Variants in C1orf232 observed in about 807,000 individuals in gnomAD.
C1orf232 encodes chromosome 1 open reading frame 230.
A neutral mutation model predicts 12.1 loss-of-function variants in C1orf232; 10 were observed. The ratio of observed to expected loss-of-function variants is 0.82; its 90% confidence interval spans 0.51 to 1.40. C1orf232 has a LOEUF of 1.40. C1orf232 is among the 40% of genes most tolerant of loss of function. The probability of loss-of-function intolerance (pLI) is 0.00; values close to 1 mark genes in which losing one functional copy is unlikely to be tolerated. For missense variants in C1orf232, 88 were observed against 98.4 expected, an observed-to-expected ratio of 0.89 and a Z score of 0.45; for synonymous variants, 36 against 39.8, an observed-to-expected ratio of 0.90 and a Z score of 0.36.
rs1465170459 is a variant in C1orf232 at position 26,164,424 on chromosome 1, C to T, written c.298G>A (p.Ala100Thr). The T allele has an allele frequency of 2.6e-6, 1 of 381,718 alleles. No individual in the cohort carries two copies. Among genetic ancestry groups the T allele is most frequent in the East Asian group, 3.8e-5 (1 of 26,248 alleles). 23.6% of individuals were successfully genotyped at this position (381,718 alleles called of 1,614,324 possible). Reference sequence around the variant, plus strand: ...GGGCCGCGCGCCTCCGCCGCCGCCGCCGCCTGCGAGGGGGGTCGCGCCGCC... The same window carrying T: ...GGGCCGCGCGCCTCCGCCGCCGCCGTCGCCTGCGAGGGGGGTCGCGCCGCC... ...PLAARPPSQA[A>T]AAAEARGPGF... Residue 100 changes from alanine to threonine, a missense_variant, in exon 4 of 4, where the codon GCG (alanine) becomes ACG (threonine). Coordinates refer to ENST00000634842, the MANE Select transcript of C1orf232 (RefSeq NM_001364669.2). This position sits in a 1 kb window ranked among gnomAD's most constrained non-coding sequence, Gnocchi z 4.2.
intron 1 of C1orf232, 38 bp from the exon 2 acceptor site, chr1:26,166,156 G>A (rs2088423643): frequency 3.3e-6 from 4 of 1,221,830 alleles, no homozygotes; most frequent in Non-Finnish European, 4.1e-6. Flanking sequence ...GAGAGAGGCC[G>A]CAGAGGAGTG....
chr1:26,166,486 T>A (rs2088428654), intron 1 of C1orf232, among the ~76,000 whole-genome samples: 1 of 152,026 alleles, frequency 6.6e-6, no homozygotes, highest in African/African-American at 2.4e-5. Flanking sequence ...CCTGCTAATT[T>A]TTGTATTTTA....
chr1:26,165,674 C>A, intron 3 of C1orf232, 152 bp downstream of exon 3: 1 of 1,198,804 alleles, frequency 8.3e-7, no homozygotes, highest in Non-Finnish European at 1.0e-6. Flanking sequence ...GCTGATTTGG[C>A]CTGTTTCCTG....
At chr1:26,167,426 G>A (rs2124495403) in intron 1 of C1orf232, among the ~76,000 whole-genome samples, 1 of 152,326 alleles carries the variant, frequency 6.6e-6, no homozygotes, top group South Asian at 2.1e-4. Context: ...CTGGGCTCAA[G>A]TGATCCTCCT....
chr1:26,168,511 G>C lies in C1orf232; in HGVS notation c.-12C>G. 8.1e-7 allele frequency: 1 copy of C among 1,231,886 alleles called. No individual in the cohort carries two copies. The highest frequency in any genetic ancestry group is 1.0e-6 in the Non-Finnish European group (1 of 988,046). The allele number at this position is 1,231,886 out of a possible 1,614,324, so 76.3% of individuals were successfully genotyped here. A position where few individuals can be genotyped will look rare whatever the true frequency, so the allele number is the denominator to read the frequency against. On this transcript the variant is annotated 5_prime_UTR_variant, in exon 1 of 4. Coordinates refer to ENST00000634842, the MANE Select transcript of C1orf232 (RefSeq NM_001364669.2). Reference sequence around the variant, plus strand: ...AAGGCCTGGTTCATGGCTGCAGGGGGAAGGGGCCTGGCACGCAAGCACAGG... The same window carrying C: ...AAGGCCTGGTTCATGGCTGCAGGGGCAAGGGGCCTGGCACGCAAGCACAGG...
At chr1:26,166,400 C>A (rs374056887) in intron 1 of C1orf232, among the ~76,000 whole-genome samples, 39 of 151,992 alleles carry the variant, frequency 2.6e-4, no homozygotes, top group African/African-American at 8.5e-4. Context: ...CTCACTGCAA[C>A]CTCTGCCTCC....
At chr1:26,166,187 T>C in intron 1 of C1orf232, 69 bp from the exon 2 acceptor site, 1 of 1,141,338 alleles carries the variant, frequency 8.8e-7, no homozygotes, top group Non-Finnish European at 1.1e-6. Context: ...CCTCCACTGC[T>C]AGCCTAGTAC....
intron 1 of C1orf232, among the ~76,000 whole-genome samples, chr1:26,167,600 C>T (rs540383046): frequency 1.3e-5 from 2 of 152,298 alleles, no homozygotes; most frequent in Admixed American, 6.5e-5. Context: ...GCTAGTATTA[C>T]AGGCAGAAGC....
At chr1:26,167,346 T>C (rs1441425089) in intron 1 of C1orf232, among the ~76,000 whole-genome samples, 3 of 152,140 alleles carry the variant, frequency 2.0e-5, no homozygotes, top group Non-Finnish European at 4.4e-5. Flanking sequence ...TGTGCCACCA[T>C]GCCTGTCTAA....
At chr1:26,168,270 C>T (rs2088446618) in intron 1 of C1orf232, 146 bp downstream of exon 1, 2 of 489,476 alleles carry the variant, frequency 4.1e-6, no homozygotes, top group Non-Finnish European at 6.4e-6. Flanking sequence ...TCTGATGCTG[C>T]ACCATGGTTT....
chr1:26,165,818 G>A lies in C1orf232; in HGVS notation c.266+8C>T. The A allele has an allele frequency of 1.6e-6, 2 of 1,231,810 alleles. No homozygotes were observed. Among genetic ancestry groups the A allele is most frequent in the Non-Finnish European group, 2.0e-6 (2 of 988,022 alleles). 76.3% of individuals were successfully genotyped at this position (1,231,810 alleles called of 1,614,324 possible). A position where few individuals can be genotyped will look rare whatever the true frequency, so the allele number is the denominator to read the frequency against. Reference sequence around the variant, plus strand: ...TTCCAGAACCACCACAAACACACACGCACATACTGGTCAGCGCAAGGCTCT... The same window carrying A: ...TTCCAGAACCACCACAAACACACACACACATACTGGTCAGCGCAAGGCTCT... On this transcript the variant is annotated splice_region_variant and intron_variant, in intron 3 of 3. Coordinates refer to ENST00000634842, the MANE Select transcript of C1orf232 (RefSeq NM_001364669.2).
chr1:26,168,680 A>C lies in C1orf232; in HGVS notation c.-181T>G, dbSNP rs546703515. On this transcript the variant is annotated 5_prime_UTR_variant, in exon 1 of 4. Coordinates refer to ENST00000634842, the MANE Select transcript of C1orf232 (RefSeq NM_001364669.2). ...GTGCCCAGGAGGTGAACCTGATCCA[A>C]AGGAGTCGGGGAGTGGGGGATGGAA... 1.2e-5 allele frequency: 5 copies of C among 402,332 alleles called. No individual in the cohort carries two copies. 24.9% of individuals were successfully genotyped at this position (402,332 alleles called of 1,614,324 possible). A position where few individuals can be genotyped will look rare whatever the true frequency, so the allele number is the denominator to read the frequency against.
chr1:26,165,832 G>T lies in C1orf232; in HGVS notation c.260C>A (p.Ala87Asp), dbSNP rs2088419712. ...EDKLLPSEPC[A>D]DHPLAARPPS... ...CAAACACACACGCACATACTGGTCA[G>T]CGCAAGGCTCTGATGGCAGCAGCTT... Residue 87 changes from alanine (A) to aspartate (D), a missense_variant, in exon 3 of 4, where the codon GCT becomes GAT. Physicochemically the swap from Ala to Asp is moderately radical, Grantham distance 126. Transcript: ENST00000634842. 1.6e-6 allele frequency: 2 copies of T among 1,231,698 alleles called. No homozygotes were observed. Among genetic ancestry groups the T allele is most frequent in the South Asian group, 8.2e-5 (2 of 24,318 alleles). 76.3% of individuals were successfully genotyped at this position (1,231,698 alleles called of 1,614,324 possible).
At position 26,164,517 on chromosome 1, in the gene C1orf232, G is replaced by C. The variant is rs2088404012; in HGVS notation, c.267-62C>G. The C allele has an allele frequency of 2.7e-6, 1 of 370,142 alleles. No individual in the cohort carries two copies. Among genetic ancestry groups the C allele is most frequent in the Non-Finnish European group, 4.8e-6 (1 of 207,768 alleles). 22.9% of individuals were successfully genotyped at this position (370,142 alleles called of 1,614,324 possible). On this transcript the variant is annotated intron_variant, in intron 3 of 3. Transcript: ENST00000634842. The surrounding 1 kb of genome is among the most constrained non-coding windows in gnomAD (Gnocchi z 4.2). ...CGGTCCCGCGGAGGAACATCGGCTG[G>C]GCTGACGGAGGAGTTTAGTGGGGCC...
At chr1:26,166,569 G>A (rs1246890062) in intron 1 of C1orf232, among the ~76,000 whole-genome samples, 1 of 151,996 alleles carries the variant, frequency 6.6e-6, no homozygotes, top group Admixed American at 6.6e-5. Flanking sequence ...CTCCCACCTC[G>A]GCCTCCCAAA....
intron 1 of C1orf232, among the ~76,000 whole-genome samples, chr1:26,166,876 A>G (rs1348194731): frequency 6.6e-6 from 1 of 152,122 alleles, no homozygotes; most frequent in Non-Finnish European, 1.5e-5. Flanking sequence ...CAACACACAA[A>G]ACCTCTCCAC....
Position 26,168,566 on chromosome 1 carries a change from T to C in C1orf232, c.-67A>G. 1 of 1,094,450 alleles carries C rather than the reference T, an allele frequency of 9.1e-7. No individual in the cohort carries two copies. Among genetic ancestry groups the C allele is most frequent in the South Asian group, 4.7e-5 (1 of 21,500 alleles). 67.8% of individuals were successfully genotyped at this position (1,094,450 alleles called of 1,614,324 possible). On this transcript the variant is annotated 5_prime_UTR_variant, in exon 1 of 4. Coordinates refer to ENST00000634842, the MANE Select transcript of C1orf232 (RefSeq NM_001364669.2). ...TGGTGGCTCAGTGGATACCAGTGAG[T>C]CTGGCTCTAGGAACTTGGTGAGGCC...
chr1:26,165,802 C>G, intron 3 of C1orf232, 24 bp downstream of exon 3: 4 of 1,231,878 alleles, frequency 3.2e-6, no homozygotes, highest in Non-Finnish European at 4.0e-6. Context: ...CTTCCAGAAC[C>G]ACCACAAACA....
At chr1:26,168,306 C>T in intron 1 of C1orf232, 110 bp downstream of exon 1, 1 of 723,584 alleles carries the variant, frequency 1.4e-6, no homozygotes, top group Non-Finnish European at 1.9e-6. Flanking sequence ...GTGGCATCTG[C>T]ACAAATGTGG....
Sources: allele counts gnomAD v4.1 joint callset (sites outside exome capture counted in the v4.1 genomes callset), GRCh38; gene constraint gnomAD v4.1.1; non-coding constraint Gnocchi (gnomAD v3.1); transcripts MANE v1.5; gene names NCBI Gene and HGNC (gene_info 2026-07-23, HGNC 2026-07-21).